Variants in CPS1 observed in about 807,000 individuals in gnomAD.
CPS1 encodes carbamoyl-phosphate synthase [ammonia], mitochondrial.
Under a neutral mutation model 174.6 loss-of-function variants are expected in CPS1, and 109 were observed. That is an observed-to-expected ratio of 0.62 (90% CI 0.53 to 0.73). The LOEUF is 0.73. CPS1 is among the 30% of genes least tolerant of loss of function. The probability of loss-of-function intolerance (pLI) is 0.00; values close to 1 mark genes in which losing one functional copy is unlikely to be tolerated. For missense variants in CPS1, 1,689 were observed against 1,821.9 expected, an observed-to-expected ratio of 0.93 and a Z score of 1.33; for synonymous variants, 637 against 632.0, an observed-to-expected ratio of 1.01 and a Z score of -0.12.
intron 2 of CPS1, 115 bp from the exon 3 acceptor site, chr2:210,576,231 T>A: frequency 8.7e-7 from 1 of 1,154,322 alleles, no homozygotes. Flanking sequence ...TCTAGAGACA[T>A]TCTTGTTGGA....
intron 34 of CPS1, chr2:210,673,902 A>AT (rs1366476417): frequency 6.6e-6 from 1 of 152,162 alleles, no homozygotes; most frequent in Non-Finnish European, 1.5e-5. Flanking sequence ...CAAAAAAAAA[A>AT]GTTGAAATAC....
chr2:210,564,590 A>G (rs1316972884), intron 1 of CPS1, among the ~76,000 whole-genome samples: 2 of 151,888 alleles, frequency 1.3e-5, no homozygotes, highest in Non-Finnish European at 2.9e-5. Context: ...GTTAGCCAGG[A>G]TGGTCTCGAT....
intron 5 of CPS1, among the ~76,000 whole-genome samples, chr2:210,580,508 T>G (rs1359067190): frequency 1.3e-5 from 2 of 151,988 alleles, no homozygotes; most frequent in Non-Finnish European, 2.9e-5. Context: ...CAAATGCAAC[T>G]AAAGTTTTCT....
Position 210,675,752 on chromosome 2 carries a change from G to C in CPS1, c.4186G>C (p.Asp1396His). The change falls in exon 36 of 38, where the codon GAC becomes CAC. Residue 1396 changes from aspartate to histidine, a missense_variant. Asp to His is a moderately conservative substitution (Grantham distance 81, BLOSUM62 -1). Transcript: ENST00000233072. ...FKLFATEATS[D>H]WLNANNVPAT... is the part of the protein sequence containing the mutation. Reference sequence around the variant, plus strand: ...GCTGTTTGCCACGGAAGCCACATCAGACTGGCTCAACGCCAACAATGTCCC... The same window carrying C: ...GCTGTTTGCCACGGAAGCCACATCACACTGGCTCAACGCCAACAATGTCCC... 2 of 1,602,150 alleles carry C rather than the reference G, an allele frequency of 1.2e-6. No individual in the cohort carries two copies. Among genetic ancestry groups the C allele is most frequent in the Non-Finnish European group, 1.7e-6 (2 of 1,169,086 alleles).
chr2:210,503,037 G>A (rs1695188718), intron 1 of CPS1, among the ~76,000 whole-genome samples: 2 of 152,120 alleles, frequency 1.3e-5, no homozygotes, highest in Non-Finnish European at 2.9e-5. Context: ...CTCTTGTGCA[G>A]GCAGAATTGA....
Position 210,637,785 on chromosome 2 carries a change from C to G in CPS1, c.2771C>G (p.Thr924Ser), listed in dbSNP as rs150463750. 94 of 1,613,992 alleles carry G rather than the reference C, an allele frequency of 5.8e-5. No individual in the cohort carries two copies. The East Asian group carries it at 2.0e-3, about 34-fold the overall frequency. Residue 924 changes from threonine to serine, a missense_variant, in exon 22 of 38, where the codon ACT becomes AGT. Transcript: ENST00000233072. ...CAGATTTCAAAATGCCTTGGGCTCA[C>G]TGAGGCCCAGACAAGGGAGCTGAGG... The part of the protein sequence containing the change: ...DKQISKCLGL[T>S]EAQTRELRLK...
chr2:210,668,416 A>T, intron 34 of CPS1, 132 bp downstream of exon 34: 1 of 740,432 alleles, frequency 1.4e-6, no homozygotes, highest in South Asian at 1.4e-5. Context: ...ACTTCCAGGA[A>T]GAAGGGACAT....
chr2:210,646,612 T>G (rs376405518), intron 25 of CPS1, among the ~76,000 whole-genome samples: 7 of 152,346 alleles, frequency 4.6e-5, no homozygotes, highest in Admixed American at 3.3e-4. Context: ...CAAATTATGC[T>G]AAGCTCAATG....
At chr2:210,542,291 G>A (rs1574506088) in intron 1 of CPS1, among the ~76,000 whole-genome samples, 1 of 152,034 alleles carries the variant, frequency 6.6e-6, no homozygotes, top group South Asian at 2.1e-4. Flanking sequence ...CATGGTCACG[G>A]ATCTCAAATG....
intron 21 of CPS1, chr2:210,618,175 T>C (rs1375120552): frequency 6.6e-6 from 1 of 152,062 alleles, no homozygotes; most frequent in Non-Finnish European, 1.5e-5. Flanking sequence ...CTGTTACAGA[T>C]CATTTATAAT....
At chr2:210,611,541 C>T (rs561367236) in intron 19 of CPS1, among the ~76,000 whole-genome samples, 16 of 149,302 alleles carry the variant, frequency 1.1e-4, no homozygotes, top group African/African-American at 2.4e-5. Flanking sequence ...TGGAAAGACA[C>T]ATTGAATTTG....
intron 1 of CPS1, among the ~76,000 whole-genome samples, chr2:210,572,902 T>C (rs1180920941): frequency 2.0e-5 from 3 of 152,038 alleles, no homozygotes; most frequent in Non-Finnish European, 4.4e-5. Context: ...TATGGTACAA[T>C]TCACAATGTT....
chr2:210,523,876 G>A (rs1459797526), intron 1 of CPS1, among the ~76,000 whole-genome samples: 1 of 151,952 alleles, frequency 6.6e-6, no homozygotes, highest in Non-Finnish European at 1.5e-5. Flanking sequence ...TTTACTAGAG[G>A]CAGTGGCTTC....
rs540507779 is a variant in CPS1 at position 210,627,627 on chromosome 2, T to A, written c.2688-10075T>A. ...AAGACTATAAGGCAGCGACCATGCC[T>A]CCTAACAGTGGAGTAAATACCCGAG... is the stretch of plus-strand genomic sequence containing the variant. On this transcript the variant is annotated intron_variant, in intron 21 of 37. Coordinates refer to ENST00000233072, the MANE Select transcript of CPS1 (RefSeq NM_001875.5). Among the ~76,000 whole-genome samples the A allele has an allele frequency of 3.3e-5, 5 of 152,268 alleles. No homozygotes were observed. The South Asian group carries it at 1.0e-3, about 32-fold the overall frequency.
At chr2:210,672,347 G>T (rs987243728) in intron 34 of CPS1, 8 of 152,278 alleles carry the variant, frequency 5.3e-5, no homozygotes, top group East Asian at 3.9e-4. Flanking sequence ...GCAAGTGTTG[G>T]AGATCATTAT....
chr2:210,620,758 C>T lies in CPS1; in HGVS notation c.2687+4217C>T, dbSNP rs552108353. Reference sequence around the variant, plus strand: ...CCAGGAGAGCACCAGGGGGTTGGTGCTACATCATTCATGAGAAATCTGCTC... The same window carrying T: ...CCAGGAGAGCACCAGGGGGTTGGTGTTACATCATTCATGAGAAATCTGCTC... On this transcript the variant is annotated intron_variant, in intron 21 of 37. Transcript: ENST00000233072. Among the ~76,000 whole-genome samples the T allele has an allele frequency of 1.4e-4, 21 of 152,140 alleles. No individual in the cohort carries two copies. The South Asian group carries it at 4.2e-3, about 30-fold the overall frequency.
chr2:210,590,674 CTTCT>C, intron 8 of CPS1, 122 bp from the exon 9 acceptor site: 1 of 709,498 alleles, frequency 1.4e-6, no homozygotes, highest in South Asian at 1.6e-5. Context: ...TTTTTATATT[CTTCT>C]TTAATTCAGT....
intron 1 of CPS1, among the ~76,000 whole-genome samples, chr2:210,516,364 T>A (rs962338272): frequency 4.6e-5 from 7 of 151,898 alleles, no homozygotes. Context: ...CCTCATCCAA[T>A]TGATTCACAA....
At position 210,678,043 on chromosome 2, in the gene CPS1, G is replaced by A; in HGVS notation, c.*58G>A. On this transcript the variant is annotated 3_prime_UTR_variant, in exon 38 of 38. Transcript: ENST00000233072. ...AACCTGAGCCACATGTTATCTAAAG[G>A]AACTGATTCACAACTTTCTCAGAGA... is the stretch of plus-strand genomic sequence containing the variant. The A allele has an allele frequency of 7.8e-7, 1 of 1,275,278 alleles. No homozygotes were observed. The highest frequency in any genetic ancestry group is 1.1e-6 in the Non-Finnish European group (1 of 870,846). The allele number at this position is 1,275,278 out of a possible 1,614,324, so 79.0% of individuals were successfully genotyped here.
Sources: allele counts gnomAD v4.1 joint callset (sites outside exome capture counted in the v4.1 genomes callset), GRCh38; gene constraint gnomAD v4.1.1; transcripts MANE v1.5; gene names NCBI Gene and HGNC (gene_info 2026-07-23, HGNC 2026-07-21).